Variants in PTPRM observed in about 807,000 individuals in gnomAD.
PTPRM encodes protein tyrosine phosphatase receptor type M.
A neutral mutation model predicts 186.7 loss-of-function variants in PTPRM; 47 were observed. The observed-to-expected ratio is 0.25, with a 90% CI of 0.20 to 0.32. The LOEUF (loss-of-function observed/expected upper bound fraction) is 0.32, where lower values mean the gene tolerates loss of function less well. PTPRM is among the 10% of genes least tolerant of loss of function. The pLI, the probability that PTPRM is intolerant of heterozygous loss-of-function variation, is 1.00. For missense variants in PTPRM, 1,494 were observed against 1,865.0 expected (o/e 0.80, Z 3.66); for synonymous variants, 668 against 674.9 (o/e 0.99, Z 0.16).
intron 2 of PTPRM, among the ~76,000 whole-genome samples, chr18:7,855,297 T>C (rs1173809635): frequency 1.3e-5 from 2 of 152,166 alleles, no homozygotes; most frequent in African/African-American, 2.4e-5. Flanking sequence ...TAAGGAGACA[T>C]GGTCTCACAT....
rs114844376 is a variant in PTPRM, at chr18:8,164,318, C to T, written c.2300+20539C>T. Among the ~76,000 whole-genome samples, 1,233 of 152,180 alleles carry T rather than the reference C, an allele frequency of 8.1e-3. 14 individuals are homozygous for T. The highest frequency in any genetic ancestry group is 0.028 in the African/African-American group (1,156 of 41,516). On this transcript the variant is annotated intron_variant, in intron 14 of 32. Coordinates refer to ENST00000580170, the MANE Select transcript of PTPRM (RefSeq NM_001105244.2). ...CTGGGACCCAAAAATGCAGCCCTAC[C>T]GCCATTATTTACAAAAATATATTTC...
chr18:7,712,477 A>G (rs553362636), intron 1 of PTPRM, among the ~76,000 whole-genome samples: 3 of 151,912 alleles, frequency 2.0e-5, no homozygotes, highest in Admixed American at 2.0e-4. Context: ...AAGGATCACA[A>G]CTCCTTACTG....
chr18:7,724,876 A>G (rs2040515553), intron 1 of PTPRM, among the ~76,000 whole-genome samples: 1 of 152,228 alleles, frequency 6.6e-6, no homozygotes, highest in Non-Finnish European at 1.5e-5. Flanking sequence ...ATTGAAAAAT[A>G]AGTGTTGTAT....
chr18:7,680,151 C>G (rs2039447655), intron 1 of PTPRM, among the ~76,000 whole-genome samples: 1 of 152,208 alleles, frequency 6.6e-6, no homozygotes, highest in Admixed American at 6.5e-5. Flanking sequence ...CAGGCATGAG[C>G]CACTACGCCT....
chr18:7,714,841 C>A (rs2040290154), intron 1 of PTPRM, among the ~76,000 whole-genome samples: 1 of 152,146 alleles, frequency 6.6e-6, no homozygotes, highest in African/African-American at 2.4e-5. Flanking sequence ...CCTGAATAGA[C>A]CAATAACAAG....
intron 14 of PTPRM, among the ~76,000 whole-genome samples, chr18:8,147,547 C>A (rs146463620): frequency 6.6e-6 from 1 of 152,304 alleles, no homozygotes; most frequent in African/African-American, 2.4e-5. Flanking sequence ...AGGTTAGGGG[C>A]TGAGACGATG....
chr18:7,591,165 C>A (rs999906805), intron 1 of PTPRM, among the ~76,000 whole-genome samples: 18 of 152,300 alleles, frequency 1.2e-4, no homozygotes, highest in African/African-American at 3.6e-4. Context: ...GAAAATGCAT[C>A]CCCGTGTGTT....
intron 3 of PTPRM, among the ~76,000 whole-genome samples, chr18:7,898,467 T>A (rs1415179140): frequency 2.0e-5 from 3 of 152,234 alleles, no homozygotes; most frequent in Non-Finnish European, 2.9e-5. Flanking sequence ...GGTGTTAAAC[T>A]GCTTCTGCAT....
chr18:8,109,275 C>G (rs1217359628), intron 11 of PTPRM, among the ~76,000 whole-genome samples: 2 of 152,158 alleles, frequency 1.3e-5, no homozygotes, highest in South Asian at 2.1e-4. Flanking sequence ...TTTTCATTAG[C>G]ACTTGGGCTT....
rs1599108585 is a variant in PTPRM at position 7,859,504 on chromosome 18, C to CGT, written c.197-28602_197-28601insGT. Among the ~76,000 whole-genome samples, 3 of 152,336 alleles carry CGT rather than the reference C, an allele frequency of 2.0e-5. No individual in the cohort carries two copies. The East Asian group carries it at 5.8e-4, about 29-fold the overall frequency. The stretch of plus-strand genomic sequence containing the variant: ...CAAGAACTGGCATTACTGCCTGGCA[C>CGT]CTGGGGCTTCCATGAGCCTTCTGAA... On this transcript the variant is annotated intron_variant, in intron 2 of 32. Coordinates refer to ENST00000580170, the MANE Select transcript of PTPRM (RefSeq NM_001105244.2).
At chr18:8,247,107 G>A (rs1288072244) in intron 15 of PTPRM, among the ~76,000 whole-genome samples, 1 of 151,638 alleles carries the variant, frequency 6.6e-6, no homozygotes, top group Admixed American at 6.6e-5. Context: ...ATTTGAAGAG[G>A]TTTTTTTTTA....
At chr18:7,725,257 GAT>G (rs918686061) in intron 1 of PTPRM, among the ~76,000 whole-genome samples, 6 of 152,116 alleles carry the variant, frequency 3.9e-5, no homozygotes, top group African/African-American at 1.4e-4. Context: ...ACTTTTTTGA[GAT>G]ATAATCCACA....
intron 1 of PTPRM, among the ~76,000 whole-genome samples, chr18:7,772,438 CCCTTCCCCTTCCTT>C (rs1213220164): frequency 8.0e-6 from 1 of 124,502 alleles, no homozygotes; most frequent in Non-Finnish European, 1.6e-5. Flanking sequence ...CTTCCCCTTC[CCCTTCCCCTTCCTT>C]CCTTCCTTCC....
chr18:8,151,791 C>T (rs1027344010), intron 14 of PTPRM, among the ~76,000 whole-genome samples: 7 of 151,478 alleles, frequency 4.6e-5, no homozygotes, highest in East Asian at 1.9e-4. Flanking sequence ...TGGGGTTAGG[C>T]GCCAGAGGGG....
intron 11 of PTPRM, among the ~76,000 whole-genome samples, chr18:8,111,225 G>A (rs980962550): frequency 1.3e-5 from 2 of 152,098 alleles, no homozygotes; most frequent in Non-Finnish European, 2.9e-5. Flanking sequence ...TCTAGTATAT[G>A]GATTTCCCAG....
At chr18:8,273,870 G>A (rs2094802308) in intron 19 of PTPRM, among the ~76,000 whole-genome samples, 1 of 152,176 alleles carries the variant, frequency 6.6e-6, no homozygotes, top group African/African-American at 2.4e-5. Context: ...AGCCCCATAT[G>A]GTTTGCCCAT....
rs1216339126 is a variant in PTPRM, at chr18:8,201,397, G to T, written c.2301-42661G>T. 2.6e-5 allele frequency among the ~76,000 whole-genome samples: 4 copies of T among 152,280 alleles called. No individual in the cohort carries two copies. In the East Asian group the frequency reaches 7.7e-4, roughly 29 times the overall value. On this transcript the variant is annotated intron_variant, in intron 14 of 32. Coordinates refer to ENST00000580170, the MANE Select transcript of PTPRM (RefSeq NM_001105244.2). The stretch of plus-strand genomic sequence containing the variant: ...ATATTAATGATTGTTTCTTTTTCAG[G>T]TGATAATTTTTTTAAATATGTGAAT...
chr18:7,992,780 C>T (rs1317594496), intron 7 of PTPRM, among the ~76,000 whole-genome samples: 1 of 151,842 alleles, frequency 6.6e-6, no homozygotes, highest in Non-Finnish European at 1.5e-5. Context: ...GAAAACATCA[C>T]CAACCTTCAA....
intron 1 of PTPRM, among the ~76,000 whole-genome samples, chr18:7,604,531 C>T (rs537337179): frequency 6.6e-6 from 1 of 152,318 alleles, no homozygotes; most frequent in South Asian, 2.1e-4. Flanking sequence ...CCTGGAGGGG[C>T]TGCATGGGGA....
Sources: allele counts gnomAD v4.1 joint callset (sites outside exome capture counted in the v4.1 genomes callset), GRCh38; gene constraint gnomAD v4.1.1; transcripts MANE v1.5; gene names NCBI Gene and HGNC (gene_info 2026-07-23, HGNC 2026-07-21).